The following PCDH9 variants were observed in gnomAD, a reference collection of about 807,000 sequenced individuals.
PCDH9 encodes protocadherin-9.
PCDH9 carries 24 observed loss-of-function variants against 70.6 expected under a neutral mutation model. The observed-to-expected ratio is 0.34, with a 90% CI of 0.25 to 0.48. PCDH9 has a LOEUF of 0.48. PCDH9 is among the 20% of genes least tolerant of loss of function. The probability of loss-of-function intolerance (pLI) is 0.99; values close to 1 mark genes in which losing one functional copy is unlikely to be tolerated. For missense variants in PCDH9, 1,281 were observed against 1,503.6 expected, an observed-to-expected ratio of 0.85 and a Z score of 2.45; for synonymous variants, 562 against 558.5, an observed-to-expected ratio of 1.01 and a Z score of -0.09.
At chr13:67,155,078 GT>G (rs1464184465) in intron 2 of PCDH9, among the ~76,000 whole-genome samples, 1 of 152,032 alleles carries the variant, frequency 6.6e-6, no homozygotes, top group African/African-American at 2.4e-5. Context: ...TGTACAGACG[GT>G]TTTCAATTTT....
intron 4 of PCDH9, among the ~76,000 whole-genome samples, chr13:66,315,128 C>T (rs928943361): frequency 6.6e-6 from 1 of 152,150 alleles, no homozygotes; most frequent in African/African-American, 2.4e-5. Flanking sequence ...GGGCAGCCCC[C>T]CACTGGGCAG....
chr13:66,580,449 A>C (rs1156618766), intron 4 of PCDH9, among the ~76,000 whole-genome samples: 1 of 151,944 alleles, frequency 6.6e-6, no homozygotes, highest in Admixed American at 6.6e-5. Flanking sequence ...GCATAAATGC[A>C]TGTGTAGAAA....
At chr13:66,399,970 C>A (rs1243856784) in intron 4 of PCDH9, among the ~76,000 whole-genome samples, 1 of 152,068 alleles carries the variant, frequency 6.6e-6, no homozygotes, top group African/African-American at 2.4e-5. Context: ...CTTTCCAATT[C>A]AATTTAAGAG....
At chr13:66,337,615 A>G (rs1956058695) in intron 4 of PCDH9, among the ~76,000 whole-genome samples, 1 of 151,940 alleles carries the variant, frequency 6.6e-6, no homozygotes, top group African/African-American at 2.4e-5. Flanking sequence ...ACAAACAAAC[A>G]AACAAACAGA....
intron 3 of PCDH9, among the ~76,000 whole-genome samples, chr13:66,776,579 G>A (rs944278452): frequency 6.6e-5 from 10 of 152,094 alleles, no homozygotes; most frequent in African/African-American, 2.4e-4. Flanking sequence ...CAAGGGATGT[G>A]AAGGAACTCT....
At chr13:66,367,158 G>A (rs535419906) in intron 4 of PCDH9, among the ~76,000 whole-genome samples, 48 of 151,878 alleles carry the variant, frequency 3.2e-4, no homozygotes, top group African/African-American at 8.7e-4. Context: ...AATGTTAAAC[G>A]TATATTATGT....
chr13:67,199,102 C>T (rs1054470395), intron 2 of PCDH9, among the ~76,000 whole-genome samples: 4 of 151,322 alleles, frequency 2.6e-5, no homozygotes, highest in African/African-American at 9.7e-5. Context: ...TAGGTTTTTT[C>T]AGTACAGAAG....
At chr13:66,867,079 T>C (rs1171218531) in intron 3 of PCDH9, among the ~76,000 whole-genome samples, 1 of 152,102 alleles carries the variant, frequency 6.6e-6, no homozygotes, top group Non-Finnish European at 1.5e-5. Context: ...TCTTTCAGTT[T>C]TGTATTTTGA....
chr13:66,526,371 A>AT (rs1960216527), intron 4 of PCDH9, among the ~76,000 whole-genome samples: 2 of 152,246 alleles, frequency 1.3e-5, no homozygotes, highest in African/African-American at 4.8e-5. Context: ...TTGATGAACC[A>AT]TTTTGTCAGA....
intron 3 of PCDH9, among the ~76,000 whole-genome samples, chr13:66,898,189 T>G (rs1358968592): frequency 6.6e-6 from 1 of 152,026 alleles, no homozygotes; most frequent in African/African-American, 2.4e-5. Flanking sequence ...TTATTGCACT[T>G]TGGAGAGCAA....
chr13:66,498,103 A>G (rs1959145974), intron 4 of PCDH9, among the ~76,000 whole-genome samples: 2 of 151,280 alleles, frequency 1.3e-5, no homozygotes. Flanking sequence ...TACAGGCGTG[A>G]GCCACCACGC....
intron 2 of PCDH9, among the ~76,000 whole-genome samples, chr13:67,148,993 G>A (rs2087592105): frequency 6.6e-6 from 1 of 152,066 alleles, no homozygotes; most frequent in African/African-American, 2.4e-5. Context: ...ACTACAGTAA[G>A]GCACCTATAG....
chr13:66,706,295 A>G (rs2078710476), intron 3 of PCDH9, among the ~76,000 whole-genome samples: 1 of 152,256 alleles, frequency 6.6e-6, no homozygotes. Context: ...GGCTAGATTC[A>G]TAAACTATGT....
rs113523058 is a variant in PCDH9 at position 66,665,112 on chromosome 13, T to C, written c.3139-33701A>G. On this transcript the variant is annotated intron_variant, in intron 3 of 4. Transcript: ENST00000377865. ...GACTTTTTCTTTCTTTTCTCTCCTT[T>C]TTTTTTTTTTTGAGACGGAGTTTTG... 2.0e-4 allele frequency among the ~76,000 whole-genome samples: 27 copies of C among 136,804 alleles called. No individual in the cohort carries two copies. In the East Asian group the frequency reaches 3.1e-3, roughly 16 times the overall value. 89.7% of individuals were successfully genotyped at this position (136,804 alleles called of 152,430 possible).
At chr13:66,940,808 T>G (rs1018778675) in intron 2 of PCDH9, among the ~76,000 whole-genome samples, 1 of 151,936 alleles carries the variant, frequency 6.6e-6, no homozygotes, top group Non-Finnish European at 1.5e-5. Flanking sequence ...GGAAAAAATT[T>G]CAGAGTCATT....
At chr13:66,833,714 C>A (rs563662378) in intron 3 of PCDH9, among the ~76,000 whole-genome samples, 4 of 152,220 alleles carry the variant, frequency 2.6e-5, no homozygotes, top group African/African-American at 9.6e-5. Context: ...TTTAAGTTAA[C>A]AACTTCATAT....
chr13:66,934,443 A>C (rs1436685172), intron 2 of PCDH9, among the ~76,000 whole-genome samples: 1 of 150,986 alleles, frequency 6.6e-6, no homozygotes, highest in Non-Finnish European at 1.5e-5. Context: ...TAGGAGGCTG[A>C]GAGAGGAGAA....
At chr13:67,168,849 T>C (rs1408657155) in intron 2 of PCDH9, among the ~76,000 whole-genome samples, 2 of 152,230 alleles carry the variant, frequency 1.3e-5, no homozygotes, top group African/African-American at 4.8e-5. Flanking sequence ...TTAAACATTT[T>C]AAATCCCTAA....
At chr13:66,967,644 C>T (rs2083452186) in intron 2 of PCDH9, among the ~76,000 whole-genome samples, 1 of 151,878 alleles carries the variant, frequency 6.6e-6, no homozygotes, top group African/African-American at 2.4e-5. Context: ...ACAAATTATA[C>T]AAATACAAAA....
Sources: allele counts gnomAD v4.1 joint callset (sites outside exome capture counted in the v4.1 genomes callset), GRCh38; gene constraint gnomAD v4.1.1; transcripts MANE v1.5; gene names NCBI Gene and HGNC (gene_info 2026-07-23, HGNC 2026-07-21).